Variants in FHIP1A observed in about 807,000 individuals in gnomAD.
FHIP1A encodes the protein FHF complex subunit HOOK-interacting protein 1A.
A neutral mutation model predicts 88.6 loss-of-function variants in FHIP1A; 61 were observed. The observed-to-expected ratio is 0.69, with a 90% confidence interval of 0.56 to 0.85. The LOEUF (loss-of-function observed/expected upper bound fraction) is 0.85. Among genes scored for constraint, FHIP1A ranks in the 40% least tolerant of loss-of-function variants. The pLI is 0.00. For missense variants in FHIP1A, 1,154 were observed against 1,273.5 expected (o/e 0.91, Z 1.43); for synonymous variants, 478 against 496.0 (o/e 0.96, Z 0.48).
chr4:151,533,830 A>T (rs1731971464), intron 3 of FHIP1A, among the ~76,000 whole-genome samples: 1 of 152,212 alleles, frequency 6.6e-6, no homozygotes, highest in African/African-American at 2.4e-5. Context: ...CGTGATGAAT[A>T]TATGAGCATT....
chr4:151,517,738 A>G (rs1467995028), intron 3 of FHIP1A, among the ~76,000 whole-genome samples: 1 of 152,118 alleles, frequency 6.6e-6, no homozygotes, highest in Non-Finnish European at 1.5e-5. Flanking sequence ...GACCATGTGC[A>G]AGCCTAGGCT....
chr4:151,657,798 CA>C (rs1021424161), intron 13 of FHIP1A, among the ~76,000 whole-genome samples: 4 of 152,206 alleles, frequency 2.6e-5, no homozygotes, highest in Non-Finnish European at 5.9e-5. Context: ...AAATGAAACT[CA>C]GGGCAATTGT....
intron 1 of FHIP1A, among the ~76,000 whole-genome samples, chr4:151,434,466 A>G (rs940738928): frequency 2.6e-5 from 4 of 152,228 alleles, no homozygotes; most frequent in African/African-American, 9.6e-5. Flanking sequence ...AGTGGTACAT[A>G]TAATCACAGA....
chr4:151,655,581 C>T lies in FHIP1A; in HGVS notation c.2552-651C>T, dbSNP rs187612806. Among the ~76,000 whole-genome samples the T allele has an allele frequency of 4.2e-3, 642 of 152,218 alleles. 8 individuals are homozygous for T. The highest frequency in any genetic ancestry group is 0.015 in the African/African-American group (606 of 41,532). On this transcript the variant is annotated intron_variant, in intron 11 of 13. Transcript: ENST00000435205. Reference sequence around the variant, plus strand: ...CCTCTGAAAATTCACGTGTGGTTACCGAGTTGCTAAGGCTACTAAGATTAT... The same window carrying T: ...CCTCTGAAAATTCACGTGTGGTTACTGAGTTGCTAAGGCTACTAAGATTAT...
At chr4:151,428,032 G>T (rs1432782761) in intron 1 of FHIP1A, among the ~76,000 whole-genome samples, 1 of 152,068 alleles carries the variant, frequency 6.6e-6, no homozygotes, top group Non-Finnish European at 1.5e-5. Context: ...CAAGATAGTG[G>T]TTTGTATTTC....
At chr4:151,429,121 A>G (rs1420789517) in intron 1 of FHIP1A, among the ~76,000 whole-genome samples, 1 of 146,330 alleles carries the variant, frequency 6.8e-6, no homozygotes, top group African/African-American at 2.6e-5. Context: ...TATTATAGGC[A>G]TTTACATCAC....
Position 151,649,933 on chromosome 4 carries a change from C to A in FHIP1A, c.1892C>A (p.Ser631Tyr). Residue 631 changes from serine (S) to tyrosine (Y), a missense_variant, in exon 11 of 14, where the codon TCC becomes TAC. Transcript: ENST00000435205. Reference sequence around the variant, plus strand: ...AATGCCCTCCTGCTCTTCAAAGGGTCCTACATAGAAGAGTCGGACTTTCAG... The same window carrying A: ...AATGCCCTCCTGCTCTTCAAAGGGTACTACATAGAAGAGTCGGACTTTCAG... ...KKNALLLFKG[S>Y]YIEESDFQDD... The A allele has an allele frequency of 1.3e-6, 2 of 1,551,472 alleles. No individual in the cohort carries two copies. The highest frequency in any genetic ancestry group is 8.7e-7 in the Non-Finnish European group (1 of 1,146,962).
At chr4:151,650,762 T>G (rs985456878) in intron 11 of FHIP1A, among the ~76,000 whole-genome samples, 170 bp downstream of exon 11, 1 of 152,226 alleles carries the variant, frequency 6.6e-6, no homozygotes, top group Non-Finnish European at 1.5e-5. Flanking sequence ...ATTTTTCCAT[T>G]CTTGTAATGA....
At chr4:151,563,995 AAAC>A (rs969049754) in intron 3 of FHIP1A, among the ~76,000 whole-genome samples, 1 of 152,112 alleles carries the variant, frequency 6.6e-6, no homozygotes, top group African/African-American at 2.4e-5. Context: ...GTCTCTAATA[AAAC>A]AACAACAACA....
chr4:151,459,828 T>C (rs760492445), intron 2 of FHIP1A, among the ~76,000 whole-genome samples: 1 of 152,194 alleles, frequency 6.6e-6, no homozygotes, highest in Admixed American at 6.5e-5. Context: ...GTTGTAGAGC[T>C]ACCAAAAACA....
chr4:151,592,608 G>A (rs976622171), intron 7 of FHIP1A, among the ~76,000 whole-genome samples: 1 of 152,016 alleles, frequency 6.6e-6, no homozygotes, highest in African/African-American at 2.4e-5. Flanking sequence ...CCCACTTTTT[G>A]GTGGGGTTTT....
intron 3 of FHIP1A, among the ~76,000 whole-genome samples, chr4:151,547,941 T>C (rs1180081446): frequency 6.6e-6 from 1 of 151,378 alleles, no homozygotes; most frequent in Non-Finnish European, 1.5e-5. Flanking sequence ...AAAAAAAGAT[T>C]GTGGTGAGCA....
Position 151,668,523 on chromosome 4 carries a change from C to T in FHIP1A, c.*5769C>T, listed in dbSNP as rs1019208060. ...GCAATAATGATCTAGGTTCTTTTTC[C>T]TAGGCCTAGGCCTCCACCTTGAAAG... On this transcript the variant is annotated 3_prime_UTR_variant, in exon 14 of 14. Transcript: ENST00000435205. Among the ~76,000 whole-genome samples the T allele has an allele frequency of 4.6e-5, 7 of 152,108 alleles. No individual in the cohort carries two copies. Among genetic ancestry groups the T allele is most frequent in the Non-Finnish European group, 8.8e-5 (6 of 68,032 alleles).
chr4:151,587,416 G>A (rs1303593212), intron 6 of FHIP1A, among the ~76,000 whole-genome samples: 1 of 151,842 alleles, frequency 6.6e-6, no homozygotes, highest in African/African-American at 2.4e-5. Context: ...TAAGGATGTG[G>A]TAAGTTTTCA....
At chr4:151,512,024 T>A (rs909235731) in intron 3 of FHIP1A, among the ~76,000 whole-genome samples, 1 of 152,198 alleles carries the variant, frequency 6.6e-6, no homozygotes, top group African/African-American at 2.4e-5. Context: ...GCAGCCTAAC[T>A]GGGAGGCACC....
chr4:151,649,929 G>A lies in FHIP1A; in HGVS notation c.1888G>A (p.Gly630Arg). 6.4e-7 allele frequency: 1 copy of A among 1,551,500 alleles called. No homozygotes were observed. Among genetic ancestry groups the A allele is most frequent in the Non-Finnish European group, 8.7e-7 (1 of 1,146,958 alleles). ...GAAGAATGCCCTCCTGCTCTTCAAA[G>A]GGTCCTACATAGAAGAGTCGGACTT... is the stretch of plus-strand genomic sequence containing the variant. ...MKKNALLLFK[G>R]SYIEESDFQD... The change falls in exon 11 of 14, where the codon GGG becomes AGG. Residue 630 changes from glycine to arginine, a missense_variant. By Grantham distance (125) the Gly-to-Arg change is moderately radical. Transcript: ENST00000435205.
chr4:151,595,721 C>T (rs1734621964), intron 7 of FHIP1A, among the ~76,000 whole-genome samples: 1 of 152,168 alleles, frequency 6.6e-6, no homozygotes, highest in Non-Finnish European at 1.5e-5. Context: ...TTATTGGGTG[C>T]ATATATATTT....
At chr4:151,440,932 G>A (rs2126559606) in intron 1 of FHIP1A, among the ~76,000 whole-genome samples, 1 of 152,158 alleles carries the variant, frequency 6.6e-6, no homozygotes, top group Admixed American at 6.5e-5. Context: ...CCTCCTTAGT[G>A]TCGCCGAATG....
chr4:151,638,900 T>C (rs1218455443), intron 9 of FHIP1A, 144 bp downstream of exon 9: 1 of 438,286 alleles, frequency 2.3e-6, no homozygotes, highest in Admixed American at 4.1e-5. Context: ...AGGAAGAAAA[T>C]TATCACGAAC....
Sources: allele counts gnomAD v4.1 joint callset (sites outside exome capture counted in the v4.1 genomes callset), GRCh38; gene constraint gnomAD v4.1.1; transcripts MANE v1.5; gene names NCBI Gene and HGNC (gene_info 2026-07-23, HGNC 2026-07-21).